PDE1A: variants seen among roughly 807,000 people sequenced by gnomAD.
PDE1A encodes the protein phosphodiesterase 1A.
A neutral mutation model predicts 61.7 loss-of-function variants in PDE1A; 35 were observed. The observed-to-expected ratio is 0.57, with a 90% CI of 0.43 to 0.75. The LOEUF (loss-of-function observed/expected upper bound fraction) is 0.75, where lower values mean the gene tolerates loss of function less well. PDE1A is among the 30% of genes least tolerant of loss of function. The pLI is 0.00. For synonymous variants in PDE1A, 232 were observed against 213.2 expected, an observed-to-expected ratio of 1.09 and a Z score of -0.77; for missense variants, 597 against 630.6, an observed-to-expected ratio of 0.95 and a Z score of 0.57.
At chr2:182,691,076 C>A in the PDE1A span, among the ~76,000 whole-genome samples, 3 of 152,098 alleles carry the variant, frequency 2.0e-5, no homozygotes, top group African/African-American at 7.2e-5. Flanking sequence ...GGTAGGAAGA[C>A]TCAATATTGT....
chr2:182,249,367 T>C (rs1241224154), intron 2 of PDE1A, among the ~76,000 whole-genome samples: 1 of 152,052 alleles, frequency 6.6e-6, no homozygotes, highest in Non-Finnish European at 1.5e-5. Flanking sequence ...GAGCAGGGAA[T>C]TCCAGGGTCC....
intron 1 of PDE1A, among the ~76,000 whole-genome samples, chr2:182,363,778 G>C (rs1291261701): frequency 6.6e-6 from 1 of 152,072 alleles, no homozygotes; most frequent in African/African-American, 2.4e-5. Flanking sequence ...GGATGAGAAA[G>C]TAATGCTACT....
At chr2:182,453,868 T>G (rs904797237) in intron 2 of PDE1A, among the ~76,000 whole-genome samples, 20 of 152,210 alleles carry the variant, frequency 1.3e-4, no homozygotes, top group Admixed American at 1.2e-3. Flanking sequence ...AAGACAGGGA[T>G]GCCCTCTCTC....
intron 2 of PDE1A, among the ~76,000 whole-genome samples, chr2:182,255,415 T>C (rs1460542330): frequency 6.6e-6 from 1 of 152,198 alleles, no homozygotes; most frequent in Non-Finnish European, 1.5e-5. Context: ...GTGCAGGTTG[T>C]AGTGATTAAA....
intron 2 of PDE1A, among the ~76,000 whole-genome samples, chr2:182,487,947 T>C (rs1040042988): frequency 1.3e-5 from 2 of 152,128 alleles, no homozygotes; most frequent in African/African-American, 4.8e-5. Flanking sequence ...AGAAAAAATA[T>C]CAAATAATTA....
downstream of PDE1A, among the ~76,000 whole-genome samples, chr2:182,143,255 T>A (rs549910677): frequency 1.2e-4 from 19 of 152,198 alleles, no homozygotes; most frequent in East Asian, 3.5e-3. Context: ...CAAAAAGAGA[T>A]GAGCATGTGA....
the PDE1A span, among the ~76,000 whole-genome samples, chr2:182,690,879 C>T: frequency 6.6e-6 from 1 of 152,126 alleles, no homozygotes; most frequent in African/African-American, 2.4e-5. Flanking sequence ...TTCTTATACA[C>T]CAATAACAGA....
the PDE1A span, among the ~76,000 whole-genome samples, chr2:182,610,113 C>T: frequency 7.9e-5 from 12 of 151,454 alleles, no homozygotes; most frequent in Non-Finnish European, 1.3e-4. Context: ...GAAAGAAATG[C>T]ATGCTCAGAG....
At chr2:182,245,008 A>G (rs938750494) in intron 2 of PDE1A, among the ~76,000 whole-genome samples, 1 of 152,186 alleles carries the variant, frequency 6.6e-6, no homozygotes, top group Non-Finnish European at 1.5e-5. Flanking sequence ...CTATGCATGC[A>G]TCTCTGCTAC....
chr2:182,671,235 G>A, the PDE1A span, among the ~76,000 whole-genome samples: 5 of 150,932 alleles, frequency 3.3e-5, no homozygotes, highest in African/African-American at 9.8e-5. Flanking sequence ...GCAGTGGCGC[G>A]ATCTCAGCTC....
chr2:182,349,181 T>C (rs945424207), intron 1 of PDE1A, among the ~76,000 whole-genome samples: 1 of 152,196 alleles, frequency 6.6e-6, no homozygotes, highest in Non-Finnish European at 1.5e-5. Flanking sequence ...TTCAATATAC[T>C]GAAGATTACA....
the PDE1A span, among the ~76,000 whole-genome samples, chr2:182,559,015 A>C: frequency 6.6e-6 from 1 of 152,210 alleles, no homozygotes. Flanking sequence ...GGGAAAACAA[A>C]ATAGTGATTT....
the PDE1A span, among the ~76,000 whole-genome samples, chr2:182,535,482 T>C: frequency 3.9e-5 from 6 of 152,280 alleles, no homozygotes; most frequent in African/African-American, 1.4e-4. Context: ...TGCCTTCTAA[T>C]CATTGCTGTT....
chr2:182,262,811 C>T (rs1692317727), intron 2 of PDE1A, among the ~76,000 whole-genome samples: 1 of 151,950 alleles, frequency 6.6e-6, no homozygotes, highest in Non-Finnish European at 1.5e-5. Context: ...TACTACCTTC[C>T]ATGAAAGGAT....
At chr2:182,465,819 T>G (rs1686620639) in intron 2 of PDE1A, among the ~76,000 whole-genome samples, 1 of 152,120 alleles carries the variant, frequency 6.6e-6, no homozygotes, top group African/African-American at 2.4e-5. Context: ...CTAAAAGCCT[T>G]AATAAAATTT....
At chr2:182,689,287 T>C in the PDE1A span, among the ~76,000 whole-genome samples, 3 of 152,226 alleles carry the variant, frequency 2.0e-5, no homozygotes, top group East Asian at 3.9e-4. Flanking sequence ...AGTAAAGCAC[T>C]CCTCAGCAAA....
Position 182,243,794 on chromosome 2 carries a change from T to G in PDE1A, c.168-3502A>C, listed in dbSNP as rs138266645. Among the ~76,000 whole-genome samples the G allele has an allele frequency of 7.2e-3, 1,103 of 152,280 alleles. 10 individuals are homozygous for G. Among genetic ancestry groups the G allele is most frequent in the Non-Finnish European group, 0.012 (808 of 68,024 alleles). On this transcript the variant is annotated intron_variant, in intron 2 of 13. Transcript: ENST00000351439. ...TTCACTACTTTTCAAAGACCGTAATTGGTATTGAGTTGGGTATCATTTTGT... is the reference window on the plus strand; with the variant it reads ...TTCACTACTTTTCAAAGACCGTAATGGGTATTGAGTTGGGTATCATTTTGT...
intron 1 of PDE1A, among the ~76,000 whole-genome samples, chr2:182,322,195 T>C (rs1027004813): frequency 6.6e-6 from 1 of 152,186 alleles, no homozygotes; most frequent in Non-Finnish European, 1.5e-5. Flanking sequence ...CAATATTGTA[T>C]GAAAATTTCT....
chr2:182,499,925 G>A (rs565041544), intron 2 of PDE1A, among the ~76,000 whole-genome samples: 1 of 152,256 alleles, frequency 6.6e-6, no homozygotes, highest in South Asian at 2.1e-4. Context: ...CAGTCCCAGG[G>A]GATGGCTGTG....
Sources: gnomAD v4.1 joint callset for allele counts (sites outside exome capture counted in the v4.1 genomes callset) on GRCh38, gnomAD v4.1.1 for gene constraint, MANE v1.5 for transcripts, NCBI Gene and HGNC (gene_info 2026-07-23, HGNC 2026-07-21) for gene names.